The following MACF1 variants were observed in gnomAD, a reference collection of about 807,000 sequenced individuals.
MACF1 encodes the protein microtubule-actin cross-linking factor 1.
In MACF1, 193 loss-of-function variants were observed where a neutral mutation model predicts 854.8. The observed-to-expected ratio is 0.23, with a 90% CI of 0.20 to 0.25. MACF1 has a LOEUF of 0.25. MACF1 is among the 10% of genes least tolerant of loss of function. MACF1 has a pLI of 1.00. For synonymous variants in MACF1, 3,185 were observed against 3,226.7 expected, an observed-to-expected ratio of 0.99 and a Z score of 0.44; for missense variants, 7,722 against 8,929.1, an observed-to-expected ratio of 0.86 and a Z score of 5.45.
Position 39,393,812 on chromosome 1 carries a change from AAAAAG to A in MACF1, c.15816+5158_15816+5162del, listed in dbSNP as rs1267287245. ...ACAGAGTGAGACCCTGTCTCAAAAA[AAAAAG>A]AAAGAAAGACAGAGAGAGAGGGAGG... On this transcript the variant is annotated intron_variant, in intron 58 of 100. Transcript: ENST00000564288. Among the ~76,000 whole-genome samples, 61 of 151,206 alleles carry A rather than the reference AAAAAG, an allele frequency of 4.0e-4. 1 individual carries two copies. Among genetic ancestry groups the A allele is most frequent in the African/African-American group, 1.5e-3 (60 of 41,036 alleles).
chr1:39,282,949 A>T (rs1645578764), intron 7 of MACF1, among the ~76,000 whole-genome samples: 1 of 152,152 alleles, frequency 6.6e-6, no homozygotes, highest in East Asian at 1.9e-4. Context: ...GTTCTAACCG[A>T]CGATATTTTT....
Position 39,310,885 on chromosome 1 carries a change from G to A in MACF1, c.3155G>A (p.Arg1052Gln), listed in dbSNP as rs201607258. 3.4e-5 allele frequency: 55 copies of A among 1,614,122 alleles called. No homozygotes were observed. In the African/African-American group the frequency reaches 3.9e-4, roughly 11 times the overall value. ...KMYISELKNIRLRLEEYEQRV... is the reference protein window; with the variant it reads ...KMYISELKNIQLRLEEYEQRV... ...TACATTTCAGAGTTGAAGAACATCCGGCTACGCCTGGAGGAGTATGAACAG... is the reference window on the plus strand; with the variant it reads ...TACATTTCAGAGTTGAAGAACATCCAGCTACGCCTGGAGGAGTATGAACAG... The change falls in exon 26 of 101, where the codon CGG (arginine) becomes CAG (glutamine). Residue 1052 changes from arginine (R) to glutamine (Q), a missense_variant. Transcript: ENST00000564288.
chr1:39,296,767 GAAGGAAAAGAAAGAAAGAAAGA>G (rs1288240500), intron 20 of MACF1, among the ~76,000 whole-genome samples: 33 of 75,544 alleles, frequency 4.4e-4, no homozygotes, highest in South Asian at 1.0e-3. Flanking sequence ...AGGAAGGAAG[GAAGGAAAAGAAAGAAAGAAAGA>G]AAGGAAGGAA....
chr1:39,177,508 T>C (rs897227160), intron 2 of MACF1, among the ~76,000 whole-genome samples: 1 of 152,176 alleles, frequency 6.6e-6, no homozygotes, highest in Non-Finnish European at 1.5e-5. Flanking sequence ...GTCATCATTT[T>C]GCTGTGCAAA....
chr1:39,314,650 T>G (rs562699086), intron 26 of MACF1, among the ~76,000 whole-genome samples: 65 of 149,586 alleles, frequency 4.3e-4, no homozygotes, highest in African/African-American at 1.3e-3. Flanking sequence ...TCCCAACCCA[T>G]AGCACAGGGA....
At chr1:39,095,727 A>T (rs1641920944) in intron 2 of MACF1, among the ~76,000 whole-genome samples, 1 of 151,414 alleles carries the variant, frequency 6.6e-6, no homozygotes, top group African/African-American at 2.4e-5. Flanking sequence ...ACAAAAAAAA[A>T]AATTAGGTGT....
chr1:39,463,574 C>G (rs1216197542), intron 93 of MACF1, 38 bp from the exon 94 acceptor site: 5 of 1,454,792 alleles, frequency 3.4e-6, no homozygotes, highest in Non-Finnish European at 4.8e-6. Flanking sequence ...AAGTTTTGCT[C>G]TACCCTTTAC....
At chr1:39,234,367 C>A (rs1335964485) in intron 2 of MACF1, among the ~76,000 whole-genome samples, 1 of 151,262 alleles carries the variant, frequency 6.6e-6, no homozygotes, top group Admixed American at 6.6e-5. Context: ...TAGGGGCGGC[C>A]GGGCAGAGGC....
chr1:39,198,355 A>G lies in MACF1; in HGVS notation c.221-32827A>G, dbSNP rs543324959. Among the ~76,000 whole-genome samples the G allele has an allele frequency of 1.5e-3, 222 of 152,174 alleles. 2 individuals carry two copies. The highest frequency in any genetic ancestry group is 5.2e-3 in the African/African-American group (214 of 41,530). The stretch of plus-strand genomic sequence containing the variant: ...GAAACTCTGACTCTACTAAAAATAC[A>G]AAAATTAGCTGGGCGTGCCGGGCGC... On this transcript the variant is annotated intron_variant, in intron 2 of 93. Coordinates refer to the MACF1 transcript ENST00000361689.
chr1:39,417,179 C>G (rs1173676627), intron 58 of MACF1, among the ~76,000 whole-genome samples: 2 of 152,114 alleles, frequency 1.3e-5, no homozygotes, highest in African/African-American at 2.4e-5. Flanking sequence ...TAGATATAAA[C>G]TTTGTAATTG....
Position 39,332,480 on chromosome 1 carries a change from G to A in MACF1, c.5892G>A (p.Leu1964=). The A allele has an allele frequency of 1.2e-6, 2 of 1,614,060 alleles. No homozygotes were observed. The highest frequency in any genetic ancestry group is 2.2e-5 in the East Asian group (1 of 44,892). ...CAGCAAGCCAGAGTGAGAATCTGTTGTTCCAGCTGATGACTCACAGCTATA... is the reference window on the plus strand; with the variant it reads ...CAGCAAGCCAGAGTGAGAATCTGTTATTCCAGCTGATGACTCACAGCTATA... The part of the protein sequence containing the change: ...KATASQSENL[L]FQLMTHSYIN... The change falls in exon 37 of 101, where the codon TTG becomes TTA. Residue 1964 remains leucine (L), a synonymous_variant. Coordinates refer to ENST00000564288, the MANE Select transcript of MACF1 (RefSeq NM_001394062.1).
At position 39,212,995 on chromosome 1, in the gene MACF1, CTTTG is replaced by C. The variant is rs1219199899; in HGVS notation, c.109+7872_109+7875del. Among the ~76,000 whole-genome samples, 4 of 152,328 alleles carry C rather than the reference CTTTG, an allele frequency of 2.6e-5. No individual in the cohort carries two copies. The East Asian group carries it at 7.7e-4, about 29-fold the overall frequency. On this transcript the variant is annotated intron_variant, in intron 1 of 100. Coordinates refer to ENST00000564288, the MANE Select transcript of MACF1 (RefSeq NM_001394062.1). The stretch of plus-strand genomic sequence containing the variant: ...CTTCTTACATATACAACTCCTATGC[CTTTG>C]TTTGTTTATTCTGGTTTAGGTCCTT...
At position 39,156,611 on chromosome 1, in the gene MACF1, C is replaced by T. The variant is rs1253632128; in HGVS notation, c.220+72173C>T. Among the ~76,000 whole-genome samples the T allele has an allele frequency of 3.9e-5, 6 of 151,974 alleles. No individual in the cohort carries two copies. In the East Asian group the frequency reaches 9.7e-4, roughly 25 times the overall value. ...TCCAGCCTGGGTGACAGAACAAGACCCTGTCTCAAAAACAACAAAAAAAGA... is the reference window on the plus strand; with the variant it reads ...TCCAGCCTGGGTGACAGAACAAGACTCTGTCTCAAAAACAACAAAAAAAGA... On this transcript the variant is annotated intron_variant, in intron 2 of 93. Coordinates refer to the MACF1 transcript ENST00000361689.
At chr1:39,113,040 G>A (rs1013468255) in intron 2 of MACF1, among the ~76,000 whole-genome samples, 3 of 151,416 alleles carry the variant, frequency 2.0e-5, no homozygotes, top group Non-Finnish European at 2.9e-5. Context: ...ATTACAATGC[G>A]GCTTCCCAGA....
chr1:39,092,901 G>GC (rs1022524305), intron 2 of MACF1, among the ~76,000 whole-genome samples: 1 of 151,788 alleles, frequency 6.6e-6, no homozygotes. Context: ...CTCTGCCTCA[G>GC]CCCCCCGAGT....
Position 39,424,042 on chromosome 1 carries a change from C to T in MACF1, c.16164C>T (p.Leu5388=). 1.9e-6 allele frequency: 3 copies of T among 1,611,264 alleles called. No individual in the cohort carries two copies. Among genetic ancestry groups the T allele is most frequent in the Non-Finnish European group, 2.5e-6 (3 of 1,179,300 alleles). Residue 5388 remains leucine, a synonymous_variant, in exon 61 of 101, where the codon CTC becomes CTT. Transcript: ENST00000564288. ...CTTTATAATAGTTGCTCCAGCGGCTCCTAGATGATCGAAAGGCCACAGTAG... is the reference window on the plus strand; with the variant it reads ...CTTTATAATAGTTGCTCCAGCGGCTTCTAGATGATCGAAAGGCCACAGTAG... The part of the protein sequence containing the change: ...QIQEQKLLQR[L]LDDRKATVDM...
At position 39,310,815 on chromosome 1, in the gene MACF1, G is replaced by A. The variant is rs1320385005; in HGVS notation, c.3101-16G>A. The stretch of plus-strand genomic sequence containing the variant: ...GATGTCGAGCTTACTGGTCTTTTGT[G>A]TTTGTTCATTCACAGAGGACAAAGA... On this transcript the variant is annotated splice_polypyrimidine_tract_variant and intron_variant, in intron 25 of 100. Transcript: ENST00000564288. The A allele has an allele frequency of 1.9e-6, 3 of 1,597,406 alleles. No homozygotes were observed. Among genetic ancestry groups the A allele is most frequent in the Non-Finnish European group, 2.6e-6 (3 of 1,171,548 alleles).
chr1:39,107,793 C>T (rs1642286002), intron 2 of MACF1, among the ~76,000 whole-genome samples: 1 of 152,176 alleles, frequency 6.6e-6, no homozygotes, highest in South Asian at 2.1e-4. Context: ...GTTCTAGACC[C>T]TTATTGGCTG....
intron 2 of MACF1, chr1:39,154,094 G>A (rs1220767311): frequency 6.6e-6 from 1 of 152,184 alleles, no homozygotes; most frequent in African/African-American, 2.4e-5. Flanking sequence ...TACCTTTTCT[G>A]TTCTTAAATT....
Sources: gnomAD v4.1 joint callset for allele counts (sites outside exome capture counted in the v4.1 genomes callset) on GRCh38, gnomAD v4.1.1 for gene constraint, MANE v1.5 for transcripts, NCBI Gene and HGNC (gene_info 2026-07-23, HGNC 2026-07-21) for gene names.